Variants in MIGA1 observed in about 807,000 individuals in gnomAD.
MIGA1 encodes mitoguardin 1.
Under a neutral mutation model 82.0 loss-of-function variants are expected in MIGA1, and 58 were observed. That is an observed-to-expected ratio of 0.71 (90% CI 0.57 to 0.88). The LOEUF is 0.88. Among genes scored for constraint, MIGA1 ranks in the 40% least tolerant of loss-of-function variants. The pLI, the probability that MIGA1 is intolerant of heterozygous loss-of-function variation, is 0.00. For missense variants in MIGA1, 751 were observed against 749.1 expected (o/e 1.00, Z -0.03); for synonymous variants, 249 against 253.6 (o/e 0.98, Z 0.17).
intron 14 of MIGA1, among the ~76,000 whole-genome samples, chr1:77,872,188 G>C (rs189120808): frequency 2.0e-4 from 31 of 152,070 alleles, no homozygotes; most frequent in African/African-American, 7.5e-4. Context: ...GGCTGGTCTC[G>C]AACTCCTAAG....
rs146380219 is a variant in MIGA1, at chr1:77,861,281, G to A, written c.1333G>A (p.Asp445Asn). 30 of 1,613,302 alleles carry A rather than the reference G, an allele frequency of 1.9e-5. No homozygotes were observed. Among genetic ancestry groups the A allele is most frequent in the East Asian group, 1.1e-4 (5 of 44,848 alleles). Residue 445 changes from aspartate to asparagine, a missense_variant, in exon 12 of 16, where the codon GAT (aspartate) becomes AAT (asparagine). Physicochemically the swap from Asp to Asn is conservative, Grantham distance 23. This residue lies in a region of MIGA1 where 265 missense variants were observed against 293.6 expected (regional missense o/e 0.90). Coordinates refer to ENST00000370791, the MANE Select transcript of MIGA1 (RefSeq NM_198549.4). The stretch of plus-strand genomic sequence containing the variant: ...AATGATCTATTTTTTAGAGCAGACC[G>A]ATCACTGGGGTAGTACTGAAATGGA...
intron 7 of MIGA1, among the ~76,000 whole-genome samples, chr1:77,840,583 C>G (rs538074477): frequency 6.6e-6 from 1 of 152,108 alleles, no homozygotes. Flanking sequence ...GAGGCGGAGG[C>G]GGGCGGGTCA....
chr1:77,815,759 G>A (rs1219136516), intron 7 of MIGA1, among the ~76,000 whole-genome samples: 1 of 151,882 alleles, frequency 6.6e-6, no homozygotes, highest in Non-Finnish European at 1.5e-5. Flanking sequence ...TTTGAGACAG[G>A]ATATCTGTTG....
chr1:77,844,685 A>G (rs554139717), intron 8 of MIGA1, among the ~76,000 whole-genome samples: 19 of 152,244 alleles, frequency 1.2e-4, no homozygotes, highest in Non-Finnish European at 2.2e-4. Flanking sequence ...TAGAAATAGT[A>G]TTATGCATCT....
At chr1:77,795,614 G>C (rs1682619884) in intron 2 of MIGA1, among the ~76,000 whole-genome samples, 1 of 151,454 alleles carries the variant, frequency 6.6e-6, no homozygotes, top group Non-Finnish European at 1.5e-5. Flanking sequence ...CACCATGCTG[G>C]GCCTGGTATA....
At chr1:77,867,747 C>G (rs1235454783) in intron 14 of MIGA1, among the ~76,000 whole-genome samples, 1 of 152,322 alleles carries the variant, frequency 6.6e-6, no homozygotes, top group South Asian at 2.1e-4. Flanking sequence ...AGTATTTTAT[C>G]ATATCCATAT....
In MIGA1 at chr1:77,875,103, T is replaced by C. The variant is rs377659984; in HGVS notation, c.*39T>C. 2,580 of 1,466,640 alleles carry C rather than the reference T, an allele frequency of 1.8e-3. 2 individuals carry two copies. The highest frequency in any genetic ancestry group is 2.2e-3 in the Non-Finnish European group (2,303 of 1,053,444). The allele number at this position is 1,466,640 out of a possible 1,614,324, so 90.9% of individuals were successfully genotyped here. ...CATACAATTTGAGTGTGCTATGAAA[T>C]ATTTTAAGGTAACTATTGATTTTGT... On this transcript the variant is annotated 3_prime_UTR_variant, in exon 16 of 16. Coordinates refer to ENST00000370791, the MANE Select transcript of MIGA1 (RefSeq NM_198549.4).
intron 2 of MIGA1, among the ~76,000 whole-genome samples, chr1:77,795,365 T>G (rs1397510651): frequency 6.6e-6 from 1 of 151,868 alleles, no homozygotes; most frequent in Non-Finnish European, 1.5e-5. Flanking sequence ...TTTTTTTTTT[T>G]GAGATAGTTT....
At chr1:77,841,754 T>TTCTTC (rs2101886170) in intron 7 of MIGA1, among the ~76,000 whole-genome samples, 1 of 151,192 alleles carries the variant, frequency 6.6e-6, no homozygotes, top group Non-Finnish European at 1.5e-5. Context: ...TTCTTTTCTT[T>TTCTTC]CTTTGTTCCT....
At chr1:77,863,718 G>A (rs1685556506) in intron 12 of MIGA1, among the ~76,000 whole-genome samples, 176 bp from the exon 13 acceptor site, 1 of 152,182 alleles carries the variant, frequency 6.6e-6, no homozygotes, top group Non-Finnish European at 1.5e-5. Flanking sequence ...CAGCGATAAT[G>A]TGAATTCGTA....
intron 2 of MIGA1, among the ~76,000 whole-genome samples, chr1:77,801,004 C>G (rs1010344332): frequency 6.6e-6 from 1 of 151,960 alleles, no homozygotes; most frequent in Non-Finnish European, 1.5e-5. Context: ...AAAAATCTTG[C>G]TGTGATTCAG....
intron 7 of MIGA1, among the ~76,000 whole-genome samples, chr1:77,819,250 C>T (rs971464582): frequency 6.6e-6 from 1 of 152,004 alleles, no homozygotes; most frequent in South Asian, 2.1e-4. Context: ...GGGTTTGGAC[C>T]CAGTCAAGCT....
rs1646894435 is a variant in MIGA1, at chr1:77,876,427, CAA to C, written c.*1365_*1366del. ...ATGTTACTGTTGGTCCTGTAAGTTA[CAA>C]AGAGACTGAAGAACTTTCTTTTTAT... On this transcript the variant is annotated 3_prime_UTR_variant, in exon 16 of 16. Coordinates refer to ENST00000370791, the MANE Select transcript of MIGA1 (RefSeq NM_198549.4). 1 of 152,180 alleles carries C rather than the reference CAA, an allele frequency of 6.6e-6. No individual in the cohort carries two copies. Among genetic ancestry groups the C allele is most frequent in the Non-Finnish European group, 1.5e-5 (1 of 68,024 alleles). 9.4% of individuals were successfully genotyped at this position (152,180 alleles called of 1,614,324 possible). A position where few individuals can be genotyped will look rare whatever the true frequency, so the allele number is the denominator to read the frequency against.
At chr1:77,860,283 T>G in intron 11 of MIGA1, 157 bp downstream of exon 11, 1 of 562,078 alleles carries the variant, frequency 1.8e-6, no homozygotes, top group Non-Finnish European at 3.1e-6. Context: ...ATGTATAAAG[T>G]CCACACTATT....
At chr1:77,865,544 G>A (rs1182048225) in intron 13 of MIGA1, among the ~76,000 whole-genome samples, 1 of 152,006 alleles carries the variant, frequency 6.6e-6, no homozygotes. Flanking sequence ...AGTGAACCGA[G>A]ATCACTCCTT....
intron 5 of MIGA1, among the ~76,000 whole-genome samples, chr1:77,810,651 C>A (rs1683288898): frequency 6.6e-6 from 1 of 152,086 alleles, no homozygotes; most frequent in Non-Finnish European, 1.5e-5. Flanking sequence ...TCAAAATCTA[C>A]AATAAACCTG....
rs377751209 is a variant in MIGA1 at position 77,801,335 on chromosome 1, A to C, written c.200A>C (p.Lys67Thr). 5 of 1,549,776 alleles carry C rather than the reference A, an allele frequency of 3.2e-6. No homozygotes were observed. Among genetic ancestry groups the C allele is most frequent in the Non-Finnish European group, 3.5e-6 (4 of 1,158,644 alleles). Residue 67 changes from lysine to threonine, a missense_variant, in exon 3 of 16, where the codon AAA (lysine) becomes ACA (threonine). Physicochemically the swap from Lys to Thr is moderately conservative, Grantham distance 78. Coordinates refer to ENST00000370791, the MANE Select transcript of MIGA1 (RefSeq NM_198549.4). Reference sequence around the variant, plus strand: ...TTTTAACTGAATCTTTTCCAGATCAAATTTTCTCCGGTGGCTAAAAAGTTG... The same window carrying C: ...TTTTAACTGAATCTTTTCCAGATCACATTTTCTCCGGTGGCTAAAAAGTTG...
intron 8 of MIGA1, among the ~76,000 whole-genome samples, chr1:77,846,169 A>T (rs1684833453): frequency 6.6e-6 from 1 of 152,090 alleles, no homozygotes. Context: ...TTGGCACCCA[A>T]TACCTTCTGA....
At chr1:77,808,415 C>G (rs1250967602) in intron 5 of MIGA1, among the ~76,000 whole-genome samples, 2 of 152,074 alleles carry the variant, frequency 1.3e-5, no homozygotes, top group African/African-American at 4.8e-5. Flanking sequence ...CTATCTTAAC[C>G]TAACCTGTTG....
Sources: allele counts gnomAD v4.1 joint callset (sites outside exome capture counted in the v4.1 genomes callset), GRCh38; gene constraint gnomAD v4.1.1; regional missense constraint gnomAD v4.1.1; transcripts MANE v1.5; gene names NCBI Gene and HGNC (gene_info 2026-07-23, HGNC 2026-07-21).